The following HLCS variants were observed in gnomAD, a reference collection of about 807,000 sequenced individuals.
HLCS encodes holocarboxylase synthetase.
In HLCS, 53 loss-of-function variants were observed where a neutral mutation model predicts 75.0. The ratio of observed to expected loss-of-function variants is 0.71; its 90% CI spans 0.57 to 0.89. The LOEUF is 0.89. HLCS is among the 40% of genes least tolerant of loss of function. The pLI, the probability that HLCS is intolerant of heterozygous loss-of-function variation, is 0.00. For missense variants in HLCS, 966 were observed against 1,074.0 expected (o/e 0.90, Z 1.41); for synonymous variants, 431 against 428.6 (o/e 1.01, Z -0.07).
chr21:36,818,794 C>T (rs188314129), intron 6 of HLCS, among the ~76,000 whole-genome samples: 240 of 152,266 alleles, frequency 1.6e-3, no homozygotes, highest in Non-Finnish European at 2.6e-3. Context: ...AGCCATTTAT[C>T]AAGATGGAGT....
intron 5 of HLCS, among the ~76,000 whole-genome samples, chr21:36,907,027 G>C (rs951488338): frequency 2.0e-5 from 3 of 152,030 alleles, no homozygotes; most frequent in African/African-American, 4.8e-5. Flanking sequence ...CTCCCACCTT[G>C]GCCTGTTTGA....
chr21:36,910,973 C>A (rs1423632582), intron 5 of HLCS, among the ~76,000 whole-genome samples: 1 of 152,204 alleles, frequency 6.6e-6, no homozygotes, highest in Non-Finnish European at 1.5e-5. Context: ...TTGCTGAAAC[C>A]AGTCCATTTT....
chr21:36,905,172 A>G (rs2065398879), intron 5 of HLCS, among the ~76,000 whole-genome samples: 1 of 152,220 alleles, frequency 6.6e-6, no homozygotes. Context: ...GATAATATAC[A>G]TATGTTCCTG....
chr21:36,956,821 C>T (rs537163807), intron 2 of HLCS, among the ~76,000 whole-genome samples: 60 of 152,112 alleles, frequency 3.9e-4, no homozygotes, highest in Admixed American at 2.8e-3. Flanking sequence ...GAGGCTGAGG[C>T]GGGCAGATCA....
chr21:36,976,233 A>G (rs1336845716), intron 1 of HLCS, among the ~76,000 whole-genome samples: 1 of 152,172 alleles, frequency 6.6e-6, no homozygotes, highest in Non-Finnish European at 1.5e-5. Context: ...CCCAACTTGG[A>G]CACATCTAAA....
At chr21:36,958,099 C>T (rs182279298) in intron 2 of HLCS, among the ~76,000 whole-genome samples, 126 of 149,756 alleles carry the variant, frequency 8.4e-4, no homozygotes, top group African/African-American at 2.6e-3. Context: ...ATAAATTAGC[C>T]GGATGTGGCA....
intron 6 of HLCS, among the ~76,000 whole-genome samples, chr21:36,823,361 A>C (rs1687210376): frequency 6.6e-6 from 1 of 152,134 alleles, no homozygotes; most frequent in African/African-American, 2.4e-5. Context: ...CTTGCCTGGG[A>C]CACCCCTCTC....
intron 6 of HLCS, among the ~76,000 whole-genome samples, chr21:36,779,599 C>T (rs2060466554): frequency 6.6e-6 from 1 of 152,190 alleles, no homozygotes; most frequent in Admixed American, 6.5e-5. Flanking sequence ...ATCCATATTA[C>T]TGCGAAATCA....
intron 6 of HLCS, among the ~76,000 whole-genome samples, chr21:36,768,129 G>T (rs2835458): frequency 0.06 from 9,083 of 152,314 alleles, 338 homozygotes; most frequent in African/African-American, 0.091. Context: ...TGCTGCGCAG[G>T]CGCGGTTCGA....
chr21:36,882,820 T>C (rs976984789), intron 6 of HLCS, among the ~76,000 whole-genome samples: 7 of 152,024 alleles, frequency 4.6e-5, no homozygotes, highest in Admixed American at 6.6e-5. Context: ...ATTACCCAAT[T>C]TTAAACTGAA....
At chr21:36,875,668 C>A (rs2063942533) in intron 6 of HLCS, among the ~76,000 whole-genome samples, 2 of 152,236 alleles carry the variant, frequency 1.3e-5, no homozygotes, top group Admixed American at 1.3e-4. Context: ...AGCTGTTCTG[C>A]CACTCAATGA....
At chr21:36,783,581 G>A (rs1182887985) in intron 6 of HLCS, among the ~76,000 whole-genome samples, 1 of 152,158 alleles carries the variant, frequency 6.6e-6, no homozygotes, top group Admixed American at 6.5e-5. Context: ...GGAAAAAGGG[G>A]AAAGGAACAA....
chr21:36,890,437 G>GTC (rs1208541767), intron 6 of HLCS, among the ~76,000 whole-genome samples: 1 of 152,162 alleles, frequency 6.6e-6, no homozygotes, highest in Non-Finnish European at 1.5e-5. Context: ...CACTAACGGG[G>GTC]TTTTGAGTTT....
intron 6 of HLCS, among the ~76,000 whole-genome samples, chr21:36,823,610 GGTGTGTGTGTGT>G (rs59724760): frequency 7.5e-5 from 10 of 132,726 alleles, no homozygotes; most frequent in South Asian, 2.8e-4. Context: ...AAACGTGCAG[GGTGTGTGTGTGT>G]GTGTGTGTGT....
chr21:36,956,679 G>A (rs1347568826), intron 2 of HLCS, among the ~76,000 whole-genome samples: 3 of 151,946 alleles, frequency 2.0e-5, no homozygotes, highest in South Asian at 2.1e-4. Context: ...GCAGTGAGCC[G>A]AGATCGTGCC....
Position 36,769,546 on chromosome 21 carries a change from A to G in HLCS, c.1893-2261T>C, listed in dbSNP as rs11701876. On this transcript the variant is annotated intron_variant, in intron 6 of 10. Coordinates refer to ENST00000674895, the MANE Select transcript of HLCS (RefSeq NM_001352514.2). ...ATAATGATTACCTCCCTGCTTCTGT[A>G]TATTTTCCTTCCTTGCTGGCAAAGG... is the stretch of plus-strand genomic sequence containing the variant. Among the ~76,000 whole-genome samples, 1,087 of 152,322 alleles carry G rather than the reference A, an allele frequency of 7.1e-3. 8 individuals are homozygous for G. The highest frequency in any genetic ancestry group is 0.011 in the Non-Finnish European group (767 of 68,030).
At chr21:36,872,397 A>C (rs2063803752) in intron 6 of HLCS, among the ~76,000 whole-genome samples, 2 of 152,170 alleles carry the variant, frequency 1.3e-5, no homozygotes, top group South Asian at 2.1e-4. Flanking sequence ...TCTCAAAAAA[A>C]AAAAAAAAAC....
intron 5 of HLCS, among the ~76,000 whole-genome samples, chr21:36,900,471 G>T (rs750697161): frequency 6.6e-6 from 1 of 152,168 alleles, no homozygotes; most frequent in Non-Finnish European, 1.5e-5. Context: ...GGCAGAGGGG[G>T]TGGTGAGAGC....
intron 8 of HLCS, among the ~76,000 whole-genome samples, 173 bp from the exon 9 acceptor site, chr21:36,760,014 G>A (rs1820570729): frequency 6.6e-6 from 1 of 152,114 alleles, no homozygotes; most frequent in African/African-American, 2.4e-5. Context: ...GTGCCTCTTG[G>A]GGCCAGGAGG....
Sources: gnomAD v4.1 joint callset for allele counts (sites outside exome capture counted in the v4.1 genomes callset) on GRCh38, gnomAD v4.1.1 for gene constraint, MANE v1.5 for transcripts, NCBI Gene and HGNC (gene_info 2026-07-23, HGNC 2026-07-21) for gene names.